The following TNFAIP8L3 variants were observed in gnomAD, a reference collection of about 807,000 sequenced individuals.
TNFAIP8L3 encodes the protein TNF alpha induced protein 8 like 3, also known as tumor necrosis factor alpha-induced protein 8-like protein 3.
A neutral mutation model predicts 11.8 loss-of-function variants in TNFAIP8L3; 7 were observed. That is an observed-to-expected ratio of 0.59 (90% CI 0.34 to 1.11). The LOEUF (loss-of-function observed/expected upper bound fraction) is 1.11, where lower values mean the gene tolerates loss of function less well. Ranked by LOEUF, TNFAIP8L3 falls within the 50% of genes most tolerant of loss-of-function variation. The pLI is 0.03. For missense variants in TNFAIP8L3, 219 were observed against 258.6 expected (o/e 0.85, Z 1.05); for synonymous variants, 98 against 103.8 (o/e 0.94, Z 0.34).
At chr15:51,071,403 A>G (rs2065308191) in intron 1 of TNFAIP8L3, among the ~76,000 whole-genome samples, 1 of 152,144 alleles carries the variant, frequency 6.6e-6, no homozygotes, top group Non-Finnish European at 1.5e-5. Context: ...ATCAAACTGC[A>G]CTACAGAAGT....
chr15:51,082,280 T>G (rs943151856), intron 1 of TNFAIP8L3, among the ~76,000 whole-genome samples: 2 of 152,212 alleles, frequency 1.3e-5, no homozygotes, highest in African/African-American at 2.4e-5. Flanking sequence ...CGTATGTTAC[T>G]GTACTGAATA....
chr15:51,065,992 G>C (rs1011933045), intron 1 of TNFAIP8L3, among the ~76,000 whole-genome samples: 1 of 151,980 alleles, frequency 6.6e-6, no homozygotes, highest in Admixed American at 6.6e-5. Flanking sequence ...CCCAAGGGGT[G>C]GGGTAAGAGC....
intron 1 of TNFAIP8L3, among the ~76,000 whole-genome samples, chr15:51,078,155 A>T (rs551753212): frequency 6.6e-6 from 1 of 152,082 alleles, no homozygotes; most frequent in Non-Finnish European, 1.5e-5. Context: ...AGGACAGAGG[A>T]GCTGTGGTTT....
chr15:51,067,336 C>T (rs1157331004), intron 1 of TNFAIP8L3, among the ~76,000 whole-genome samples: 1 of 152,264 alleles, frequency 6.6e-6, no homozygotes, highest in South Asian at 2.1e-4. Flanking sequence ...CCCGAGCTTA[C>T]CCCTGCTTCT....
At chr15:51,091,088 T>C (rs779216893) in intron 1 of TNFAIP8L3, among the ~76,000 whole-genome samples, 16 of 152,104 alleles carry the variant, frequency 1.1e-4, no homozygotes, top group Non-Finnish European at 2.2e-4. Flanking sequence ...AAGAATCCAG[T>C]GTTCCATAAA....
chr15:51,103,439 G>T (rs1464997915), intron 1 of TNFAIP8L3, among the ~76,000 whole-genome samples: 1 of 152,200 alleles, frequency 6.6e-6, no homozygotes, highest in Non-Finnish European at 1.5e-5. Flanking sequence ...TCCCATGAGA[G>T]TTTCCAGTGT....
chr15:51,085,580 A>G (rs1595616379), intron 1 of TNFAIP8L3, among the ~76,000 whole-genome samples: 1 of 152,080 alleles, frequency 6.6e-6, no homozygotes, highest in Admixed American at 6.6e-5. Flanking sequence ...AAAAACAGCA[A>G]AAGTCCTTTT....
At chr15:51,071,046 GTC>G (rs1236324877) in intron 1 of TNFAIP8L3, among the ~76,000 whole-genome samples, 19 of 64,400 alleles carry the variant, frequency 3.0e-4, no homozygotes, top group Non-Finnish European at 6.0e-4. Flanking sequence ...GCGAGACTCC[GTC>G]TCAAAAAAAA....
At chr15:51,091,983 C>A (rs1402620019) in intron 1 of TNFAIP8L3, among the ~76,000 whole-genome samples, 3 of 152,170 alleles carry the variant, frequency 2.0e-5, no homozygotes, top group Admixed American at 2.0e-4. Context: ...TCTTCATAAA[C>A]CCCTGTGGTA....
intron 1 of TNFAIP8L3, among the ~76,000 whole-genome samples, chr15:51,074,405 G>GA (rs374615188): frequency 2.6e-5 from 4 of 152,198 alleles, no homozygotes; most frequent in African/African-American, 9.7e-5. Context: ...TTTTTGCTAT[G>GA]AAGTATCTGC....
intron 1 of TNFAIP8L3, among the ~76,000 whole-genome samples, chr15:51,069,307 G>T (rs57874488): frequency 1.3e-5 from 2 of 152,290 alleles, no homozygotes; most frequent in East Asian, 3.9e-4. Flanking sequence ...TGTTTTGGGG[G>T]CACCAAACAT....
intron 1 of TNFAIP8L3, among the ~76,000 whole-genome samples, chr15:51,063,870 T>C (rs1250304737): frequency 6.6e-6 from 1 of 152,240 alleles, no homozygotes; most frequent in African/African-American, 2.4e-5. Context: ...GGGACAGCTA[T>C]GACGTTAGGA....
intron 1 of TNFAIP8L3, among the ~76,000 whole-genome samples, chr15:51,101,571 A>C (rs1174437101): frequency 6.6e-6 from 1 of 151,528 alleles, no homozygotes; most frequent in African/African-American, 2.4e-5. Flanking sequence ...CAGTTAGCTG[A>C]GATCCCGCCA....
At chr15:51,095,146 G>T (rs2065504151), upstream of TNFAIP8L3, among the ~76,000 whole-genome samples, 1 of 151,646 alleles carries the variant, frequency 6.6e-6, no homozygotes, top group Admixed American at 6.6e-5. Flanking sequence ...GCCAGGGTTC[G>T]AGTCCAACTC....
chr15:51,089,480 G>T (rs182423108), intron 1 of TNFAIP8L3, among the ~76,000 whole-genome samples: 37 of 152,364 alleles, frequency 2.4e-4, no homozygotes, highest in Admixed American at 2.2e-3. Flanking sequence ...GGCTTAGGCT[G>T]TGGTCATCAG....
intron 1 of TNFAIP8L3, among the ~76,000 whole-genome samples, chr15:51,083,667 T>C (rs1212732834): frequency 1.3e-5 from 2 of 152,210 alleles, no homozygotes; most frequent in Non-Finnish European, 2.9e-5. Flanking sequence ...ATTTACAAGC[T>C]CTGACCCTGT....
At chr15:51,088,621 CTA>C (rs1220360363) in intron 1 of TNFAIP8L3, among the ~76,000 whole-genome samples, 6 of 152,214 alleles carry the variant, frequency 3.9e-5, no homozygotes, top group African/African-American at 1.4e-4. Flanking sequence ...GGATTCAGAG[CTA>C]TGAGGTCTAG....
At chr15:51,069,225 T>G (rs2065292009) in intron 1 of TNFAIP8L3, among the ~76,000 whole-genome samples, 1 of 152,192 alleles carries the variant, frequency 6.6e-6, no homozygotes, top group South Asian at 2.1e-4. Context: ...GGCAGAGAGC[T>G]TTGGCTTTGC....
chr15:51,104,530 C>G (rs776361029), intron 1 of TNFAIP8L3, among the ~76,000 whole-genome samples: 77 of 152,244 alleles, frequency 5.1e-4, no homozygotes, highest in Non-Finnish European at 1.2e-4. Context: ...CTCTGCCCTG[C>G]TCCTGCGTGT....
Sources: gnomAD v4.1 joint callset for allele counts (sites outside exome capture counted in the v4.1 genomes callset) on GRCh38, gnomAD v4.1.1 for gene constraint, MANE v1.5 for transcripts, NCBI Gene and HGNC (gene_info 2026-07-23, HGNC 2026-07-21) for gene names.